The following ANKFY1 variants were observed in gnomAD, a reference collection of about 807,000 sequenced individuals.
ANKFY1 encodes the protein ankyrin repeat and FYVE domain-containing protein 1.
A neutral mutation model predicts 128.3 loss-of-function variants in ANKFY1; 47 were observed. The ratio of observed to expected loss-of-function variants is 0.37; its 90% CI spans 0.29 to 0.47. ANKFY1 has a LOEUF of 0.47. Ranked by LOEUF, ANKFY1 falls within the 20% of genes least tolerant of loss-of-function variation. The probability of loss-of-function intolerance (pLI) is 1.00; values close to 1 mark genes in which losing one functional copy is unlikely to be tolerated. For missense variants in ANKFY1, 1,222 were observed against 1,510.6 expected (o/e 0.81, Z 3.17); for synonymous variants, 553 against 601.6 (o/e 0.92, Z 1.18).
At chr17:4,177,395 A>T in intron 18 of ANKFY1, 93 bp from the exon 19 acceptor site, 3 of 1,147,826 alleles carry the variant, frequency 2.6e-6, no homozygotes, top group African/African-American at 1.6e-5. Context: ...TGGAGAGGTC[A>T]CGATGGAGAC....
intron 11 of ANKFY1, chr17:4,187,857 AG>A (rs1253095192): frequency 6.6e-6 from 1 of 152,236 alleles, no homozygotes; most frequent in Non-Finnish European, 1.5e-5. Flanking sequence ...TAGTAGGGAC[AG>A]GGTTTCGCCA....
At chr17:4,263,694 G>C (rs1417553855) in intron 1 of ANKFY1, 30 of 1,515,394 alleles carry the variant, frequency 2.0e-5, no homozygotes, top group Admixed American at 4.3e-5. Context: ...CTGCCAGCCC[G>C]GCTCCGCAGC....
rs1304714468 is a variant in ANKFY1 at position 4,178,821 on chromosome 17, GGACC to G, written c.2598+32_2598+35del. ...TAGTCTCCAGGTTCCGCGACGCCCA[GGACC>G]ATGTGGAGAAGGTCAGGTGTTATTC... On this transcript the variant is annotated intron_variant, in intron 18 of 24. Coordinates refer to ENST00000341657, the MANE Select transcript of ANKFY1 (RefSeq NM_001330063.2). This position sits in a 1 kb window ranked among gnomAD's most constrained non-coding sequence, Gnocchi z 4.1. 3.1e-6 allele frequency: 5 copies of G among 1,601,254 alleles called. No homozygotes were observed. In the African/African-American group the frequency reaches 6.7e-5, roughly 21 times the overall value.
At chr17:4,256,175 TC>T (rs1968106413) in intron 1 of ANKFY1, among the ~76,000 whole-genome samples, 1 of 147,124 alleles carries the variant, frequency 6.8e-6, no homozygotes, top group African/African-American at 2.5e-5. Context: ...ATGCCTGTAA[TC>T]CCAGCACTTT....
intron 2 of ANKFY1, among the ~76,000 whole-genome samples, chr17:4,237,818 A>T (rs954485353): frequency 9.9e-5 from 15 of 152,188 alleles, no homozygotes; most frequent in Non-Finnish European, 1.8e-4. Flanking sequence ...TAATTTTTTT[A>T]AAAAACTTGA....
chr17:4,216,539 T>C, intron 4 of ANKFY1: 1 of 223,768 alleles, frequency 4.5e-6, no homozygotes, highest in Non-Finnish European at 9.2e-6. Flanking sequence ...TCTGGAACAC[T>C]GGCTATGACA....
rs1379668640 is a variant in ANKFY1, at chr17:4,206,361, G to A, written c.858C>T (p.Asp286=). The change falls in exon 7 of 25, where the codon GAC becomes GAT. Residue 286 remains aspartate (D), a synonymous_variant. Transcript: ENST00000341657. ...TGTGTAACAAGCTCCAGCCACTCTT[G>A]TCCACCATGTCCACATCAGCTTTGT... ...VSHKADVDMV[D]KSGWSLLHKG... is the part of the protein sequence containing the mutation. The A allele has an allele frequency of 4.3e-6, 7 of 1,614,014 alleles. No individual in the cohort carries two copies. Among genetic ancestry groups the A allele is most frequent in the Admixed American group, 1.7e-5 (1 of 60,010 alleles).
rs914670644 is a variant in ANKFY1 at position 4,256,022 on chromosome 17, T to A, written c.10+7910A>T. 5.3e-5 allele frequency among the ~76,000 whole-genome samples: 8 copies of A among 152,116 alleles called. No individual in the cohort carries two copies. In the East Asian group the frequency reaches 1.6e-3, roughly 30 times the overall value. On this transcript the variant is annotated intron_variant, in intron 1 of 24. Transcript: ENST00000341657. ...TAGTAGAGACGGGGTTTCACCATGTTGCTCAGGCTAGTCTCAAACTCCTGA... is the reference window on the plus strand; with the variant it reads ...TAGTAGAGACGGGGTTTCACCATGTAGCTCAGGCTAGTCTCAAACTCCTGA...
chr17:4,189,190 G>T (rs2059666386), intron 11 of ANKFY1, among the ~76,000 whole-genome samples, 192 bp downstream of exon 11: 1 of 152,208 alleles, frequency 6.6e-6, no homozygotes, highest in African/African-American at 2.4e-5. Context: ...AATGGCTGCT[G>T]AATGAATCAA....
rs149786518 is a variant in ANKFY1 at position 4,230,556 on chromosome 17, T to C, written c.322+5216A>G. On this transcript the variant is annotated intron_variant, in intron 3 of 24. Coordinates refer to ENST00000341657, the MANE Select transcript of ANKFY1 (RefSeq NM_001330063.2). Reference sequence around the variant, plus strand: ...ACTTTCCTTGTGGACTCAGATTTGTTATGCTTTGCTGAGCTAACAGTCATA... The same window carrying C: ...ACTTTCCTTGTGGACTCAGATTTGTCATGCTTTGCTGAGCTAACAGTCATA... 1.2e-4 allele frequency among the ~76,000 whole-genome samples: 18 copies of C among 152,346 alleles called. No individual in the cohort carries two copies. The East Asian group carries it at 3.3e-3, about 28-fold the overall frequency.
chr17:4,168,122 T>A, intron 24 of ANKFY1: 2 of 430,444 alleles, frequency 4.6e-6, no homozygotes. Flanking sequence ...GTTAAAGCAA[T>A]ACTGAAGAAG....
chr17:4,242,550 G>T, intron 1 of ANKFY1, 102 bp from the exon 2 acceptor site: 2 of 1,019,668 alleles, frequency 2.0e-6, no homozygotes, highest in Non-Finnish European at 2.8e-6. Context: ...AAAGTGACTG[G>T]CCACTTGACC....
At chr17:4,241,494 A>G (rs1967222246) in intron 2 of ANKFY1, among the ~76,000 whole-genome samples, 1 of 151,268 alleles carries the variant, frequency 6.6e-6, no homozygotes, top group Non-Finnish European at 1.5e-5. Context: ...GTTAGCCAGG[A>G]TGATCTCCTG....
At position 4,165,073 on chromosome 17, in the gene ANKFY1, T is replaced by G. The variant is rs1475943829; in HGVS notation, c.*2706A>C. 6.6e-6 allele frequency: 1 copy of G among 152,304 alleles called. No individual in the cohort carries two copies. Among genetic ancestry groups the G allele is most frequent in the Non-Finnish European group, 1.5e-5 (1 of 68,036 alleles). 9.4% of individuals were successfully genotyped at this position (152,304 alleles called of 1,614,324 possible). Reference sequence around the variant, plus strand: ...TGACTGAAAGTTCAAAAGTCCTAAGTGTAGGCACTTAAGTTTATGGGAAAT... The same window carrying G: ...TGACTGAAAGTTCAAAAGTCCTAAGGGTAGGCACTTAAGTTTATGGGAAAT... On this transcript the variant is annotated 3_prime_UTR_variant, in exon 25 of 25. Coordinates refer to ENST00000341657, the MANE Select transcript of ANKFY1 (RefSeq NM_001330063.2).
chr17:4,204,353 G>A (rs1021440121), intron 7 of ANKFY1, among the ~76,000 whole-genome samples: 6 of 152,196 alleles, frequency 3.9e-5, no homozygotes, highest in Non-Finnish European at 5.9e-5. Flanking sequence ...GGATAAGGAA[G>A]ACGTAGAATG....
At chr17:4,176,819 C>G (rs1026256269) in intron 19 of ANKFY1, among the ~76,000 whole-genome samples, 5 of 152,218 alleles carry the variant, frequency 3.3e-5, no homozygotes, top group African/African-American at 1.2e-4. Flanking sequence ...ACTTCAAAGT[C>G]CCAGTTGAAT....
intron 4 of ANKFY1, among the ~76,000 whole-genome samples, chr17:4,211,799 C>T (rs1284923184): frequency 6.6e-6 from 1 of 151,664 alleles, no homozygotes; most frequent in East Asian, 1.9e-4. Context: ...TTCAAGGCTG[C>T]GGTAAGAGCC....
chr17:4,176,116 C>T (rs2059407761), intron 19 of ANKFY1, among the ~76,000 whole-genome samples: 1 of 152,196 alleles, frequency 6.6e-6, no homozygotes, highest in Non-Finnish European at 1.5e-5. Context: ...CCTTAGCCCT[C>T]AGTTCACACT....
chr17:4,177,374 G>A (rs1238111680), intron 18 of ANKFY1, 72 bp from the exon 19 acceptor site: 2 of 1,387,148 alleles, frequency 1.4e-6, no homozygotes, highest in Middle Eastern at 1.9e-4. Flanking sequence ...TCTGCAAGCT[G>A]AACTGACCAC....
Sources: allele counts gnomAD v4.1 joint callset (sites outside exome capture counted in the v4.1 genomes callset), GRCh38; gene constraint gnomAD v4.1.1; non-coding constraint Gnocchi (gnomAD v3.1); transcripts MANE v1.5; gene names NCBI Gene and HGNC (gene_info 2026-07-23, HGNC 2026-07-21).